The following UIMC1 variants were observed in gnomAD, a reference collection of about 807,000 sequenced individuals.
The protein encoded by UIMC1 is BRCA1-A complex subunit RAP80.
Under a neutral mutation model 84.9 loss-of-function variants are expected in UIMC1, and 42 were observed. The observed-to-expected ratio is 0.49, with a 90% CI of 0.39 to 0.64. The LOEUF is 0.64. Among genes scored for constraint, UIMC1 ranks in the 30% least tolerant of loss-of-function variants. The pLI is 0.00. For synonymous variants in UIMC1, 281 were observed against 293.0 expected (o/e 0.96, Z 0.42); for missense variants, 825 against 847.6 (o/e 0.97, Z 0.33).
Position 176,975,480 on chromosome 5 carries a change from C to T in UIMC1, c.148G>A (p.Glu50Lys). 1 of 1,613,868 alleles carries T rather than the reference C, an allele frequency of 6.2e-7. No homozygotes were observed. The highest frequency in any genetic ancestry group is 8.5e-7 in the Non-Finnish European group (1 of 1,179,910). ...TGCAACCCATTTTCCTCCTTTGGTTCCTGTTGCAAAACAAGAAATATCATC... is the reference window on the plus strand; with the variant it reads ...TGCAACCCATTTTCCTCCTTTGGTTTCTGTTGCAAAACAAGAAATATCATC... Reference protein sequence around the residue: ...FIVISDSDGEEPKEENGLQKT... With the variant: ...FIVISDSDGEKPKEENGLQKT... Residue 50 changes from glutamate to lysine, a missense_variant and splice_region_variant, in exon 3 of 15, where the codon GAA becomes AAA. Transcript: ENST00000511320.
intron 10 of UIMC1, among the ~76,000 whole-genome samples, chr5:176,921,535 G>A (rs947978646): frequency 2.6e-5 from 4 of 152,088 alleles, no homozygotes; most frequent in African/African-American, 7.2e-5. Flanking sequence ...CAGTGTTCCC[G>A]CTCTCAAACA....
intron 1 of UIMC1, among the ~76,000 whole-genome samples, chr5:176,994,040 A>T (rs1773249946): frequency 6.6e-6 from 1 of 151,954 alleles, no homozygotes; most frequent in South Asian, 2.1e-4. Context: ...AGTATACAAA[A>T]ATCAAAGTGT....
At chr5:176,925,805 T>C (rs990088774) in intron 10 of UIMC1, among the ~76,000 whole-genome samples, 2 of 152,178 alleles carry the variant, frequency 1.3e-5, no homozygotes, top group African/African-American at 4.8e-5. Context: ...TCCAGGGTGA[T>C]ATTAATGCTC....
At chr5:176,927,439 A>C (rs1370211905) in intron 10 of UIMC1, among the ~76,000 whole-genome samples, 3 of 151,980 alleles carry the variant, frequency 2.0e-5, no homozygotes, top group Non-Finnish European at 1.5e-5. Flanking sequence ...TTTTTAGTAG[A>C]GATGGTGTTT....
intron 6 of UIMC1, among the ~76,000 whole-genome samples, chr5:176,959,715 C>CA (rs1169116401): frequency 0.053 from 2,804 of 53,162 alleles, 139 homozygotes; most frequent in African/African-American, 0.14. Flanking sequence ...GACTCCGTCT[C>CA]AAAAAAAAAA....
intron 1 of UIMC1, among the ~76,000 whole-genome samples, chr5:176,994,248 C>A (rs1350124191): frequency 3.9e-5 from 6 of 151,934 alleles, no homozygotes; most frequent in African/African-American, 1.4e-4. Context: ...TTAAAAGAAG[C>A]AAGCGATATT....
Position 176,905,180 on chromosome 5 carries a change from G to C in UIMC1, c.*102C>G, listed in dbSNP as rs1299301743. On this transcript the variant is annotated 3_prime_UTR_variant, in exon 15 of 15. Transcript: ENST00000511320. Reference sequence around the variant, plus strand: ...GTAGGTGCTGGTGGTGAAAACTGCAGGGCTAAAACTTGCTCAACAATGAAC... The same window carrying C: ...GTAGGTGCTGGTGGTGAAAACTGCACGGCTAAAACTTGCTCAACAATGAAC... 41 of 1,280,142 alleles carry C rather than the reference G, an allele frequency of 3.2e-5. No homozygotes were observed. The highest frequency in any genetic ancestry group is 4.1e-5 in the Non-Finnish European group (38 of 927,360). 79.3% of individuals were successfully genotyped at this position (1,280,142 alleles called of 1,614,324 possible).
intron 8 of UIMC1, among the ~76,000 whole-genome samples, chr5:176,953,495 T>TATACACAC (rs1554120134): frequency 7.3e-6 from 1 of 136,886 alleles, no homozygotes; most frequent in Non-Finnish European, 1.6e-5. Context: ...ACTGGACACA[T>TATACACAC]ACACACACAC....
At chr5:176,934,949 G>A (rs1039215566) in intron 10 of UIMC1, among the ~76,000 whole-genome samples, 15 of 152,202 alleles carry the variant, frequency 9.9e-5, no homozygotes, top group African/African-American at 3.6e-4. Context: ...ATCCAGCTCA[G>A]CCTAAGCCCT....
intron 10 of UIMC1, among the ~76,000 whole-genome samples, chr5:176,921,215 T>C (rs904524776): frequency 2.6e-5 from 4 of 152,196 alleles, no homozygotes; most frequent in Non-Finnish European, 5.9e-5. Flanking sequence ...CCTTCCCTCC[T>C]ATTGCACAGA....
intron 2 of UIMC1, among the ~76,000 whole-genome samples, chr5:176,981,144 G>GTTT (rs769202785): frequency 9.8e-5 from 13 of 132,278 alleles, no homozygotes; most frequent in Non-Finnish European, 1.6e-4. Context: ...TGTTTTGTTG[G>GTTT]TTTTTTTTTT....
At chr5:176,990,356 G>A (rs1239183436) in intron 1 of UIMC1, among the ~76,000 whole-genome samples, 1 of 151,958 alleles carries the variant, frequency 6.6e-6, no homozygotes, top group East Asian at 1.9e-4. Context: ...TAAGCACAGT[G>A]CAAGCCCTCA....
chr5:176,908,294 T>C (rs564649797), intron 12 of UIMC1, among the ~76,000 whole-genome samples: 137 of 152,218 alleles, frequency 9.0e-4, no homozygotes, highest in Non-Finnish European at 1.3e-3. Context: ...TAGGTGATGA[T>C]TTCCCCTGAT....
At chr5:176,934,099 C>T (rs1190230538) in intron 10 of UIMC1, among the ~76,000 whole-genome samples, 3 of 152,046 alleles carry the variant, frequency 2.0e-5, no homozygotes, top group African/African-American at 7.2e-5. Flanking sequence ...GTATTATATC[C>T]CTTACCATCT....
intron 10 of UIMC1, among the ~76,000 whole-genome samples, chr5:176,930,983 G>A (rs975090372): frequency 9.2e-5 from 14 of 152,156 alleles, no homozygotes; most frequent in African/African-American, 2.9e-4. Flanking sequence ...AGGCTTCCAC[G>A]GTCTTCTCAA....
chr5:177,019,811 A>G (rs1775748821), intron 1 of UIMC1, among the ~76,000 whole-genome samples: 1 of 152,044 alleles, frequency 6.6e-6, no homozygotes, highest in Admixed American at 6.6e-5. Context: ...GGATGTCTGT[A>G]ATCCCAGCTA....
chr5:176,905,430 C>G lies in UIMC1; in HGVS notation c.2012G>C (p.Arg671Pro), dbSNP rs140185789. ...GACGGGAGATTCATTTAAGTCACGA[C>G]GTGTGAAAGAACTCTGCATCTCTCT... ...CSREMQSSFTRRDLNESPVKS... is the reference protein window; with the variant it reads ...CSREMQSSFTPRDLNESPVKS... The change falls in exon 15 of 15, where the codon CGT becomes CCT. Residue 671 changes from arginine to proline, a missense_variant. Physicochemically the swap from Arg to Pro is moderately radical, Grantham distance 103. Transcript: ENST00000511320. 1.2e-5 allele frequency: 19 copies of G among 1,613,996 alleles called. No individual in the cohort carries two copies. The East Asian group carries it at 4.0e-4, about 34-fold the overall frequency.
chr5:177,008,994 C>G (rs1030232979), upstream of UIMC1, among the ~76,000 whole-genome samples: 1 of 151,710 alleles, frequency 6.6e-6, no homozygotes, highest in African/African-American at 2.4e-5. Context: ...CCTATGAAAA[C>G]TATGTTTATG....
intron 2 of UIMC1, among the ~76,000 whole-genome samples, chr5:176,980,504 A>G (rs1430407975): frequency 6.7e-6 from 1 of 149,820 alleles, no homozygotes; most frequent in Non-Finnish European, 1.5e-5. Context: ...AGGACACAGA[A>G]GAAATTACTG....
Sources: gnomAD v4.1 joint callset for allele counts (sites outside exome capture counted in the v4.1 genomes callset) on GRCh38, gnomAD v4.1.1 for gene constraint, MANE v1.5 for transcripts, NCBI Gene and HGNC (gene_info 2026-07-23, HGNC 2026-07-21) for gene names.